Variants in MINDY2 observed in about 807,000 individuals in gnomAD.
MINDY2 encodes ubiquitin carboxyl-terminal hydrolase MINDY-2.
Under a neutral mutation model 68.2 loss-of-function variants are expected in MINDY2, and 52 were observed. The ratio of observed to expected loss-of-function variants is 0.76; its 90% confidence interval spans 0.61 to 0.96. MINDY2 has a LOEUF of 0.96. MINDY2 is among the 40% of genes least tolerant of loss of function. MINDY2 has a pLI of 0.00. For missense variants in MINDY2, 881 were observed against 773.4 expected (o/e 1.14, Z -1.65); for synonymous variants, 372 against 303.0 (o/e 1.23, Z -2.36).
chr15:58,848,490 T>C (rs1452494629), intron 7 of MINDY2, among the ~76,000 whole-genome samples: 1 of 152,170 alleles, frequency 6.6e-6, no homozygotes, highest in Non-Finnish European at 1.5e-5. Context: ...ACACCTGTAA[T>C]CCCAGCACTT....
At chr15:58,839,150 C>T (rs2032151069) in intron 6 of MINDY2, among the ~76,000 whole-genome samples, 3 of 151,586 alleles carry the variant, frequency 2.0e-5, no homozygotes, top group South Asian at 2.1e-4. Flanking sequence ...CTTTTGTCAT[C>T]CAGAGTCTTT....
intron 6 of MINDY2, among the ~76,000 whole-genome samples, chr15:58,834,770 T>C (rs968021647): frequency 6.6e-6 from 1 of 152,228 alleles, no homozygotes; most frequent in East Asian, 1.9e-4. Context: ...TTCAACACTT[T>C]AGTCAATGAA....
At chr15:58,817,117 A>G (rs1428266686) in intron 4 of MINDY2, among the ~76,000 whole-genome samples, 1 of 152,266 alleles carries the variant, frequency 6.6e-6, no homozygotes. Context: ...AGTAAACATG[A>G]CTACCTTAAA....
intron 7 of MINDY2, among the ~76,000 whole-genome samples, chr15:58,850,748 C>T (rs1197824413): frequency 6.6e-6 from 1 of 151,964 alleles, no homozygotes; most frequent in Non-Finnish European, 1.5e-5. Flanking sequence ...CCATGCCCAG[C>T]TAATTTTTTT....
intron 3 of MINDY2, among the ~76,000 whole-genome samples, chr15:58,804,587 T>A (rs143159323): frequency 5.3e-5 from 8 of 152,118 alleles, no homozygotes; most frequent in African/African-American, 1.9e-4. Flanking sequence ...GCAGGCGGAT[T>A]GCTTGAGCCC....
intron 1 of MINDY2, among the ~76,000 whole-genome samples, chr15:58,786,910 A>G (rs574352807): frequency 6.6e-6 from 1 of 152,126 alleles, no homozygotes; most frequent in South Asian, 2.1e-4. Context: ...GCTCACTGCA[A>G]CCTCTGCCTC....
chr15:58,797,092 G>A (rs920638388), intron 2 of MINDY2, among the ~76,000 whole-genome samples: 1 of 152,096 alleles, frequency 6.6e-6, no homozygotes, highest in Admixed American at 6.6e-5. Context: ...TGTGAATTGA[G>A]ATGTTCTGTA....
At chr15:58,822,230 G>C (rs1228047452) in intron 5 of MINDY2, among the ~76,000 whole-genome samples, 1 of 151,612 alleles carries the variant, frequency 6.6e-6, no homozygotes, top group Admixed American at 6.6e-5. Context: ...CTCCACCCTG[G>C]GCAACAGAGT....
At position 58,829,053 on chromosome 15, in the gene MINDY2, C is replaced by T. The variant is rs183685063; in HGVS notation, c.1226-2721C>T. 1.1e-4 allele frequency among the ~76,000 whole-genome samples: 16 copies of T among 151,998 alleles called. No homozygotes were observed. The East Asian group carries it at 2.9e-3, about 27-fold the overall frequency. ...ACTGGATTATTTGAATCAATAACAC[C>T]TCTTTGAGCGTTATAATGATTCTCT... On this transcript the variant is annotated intron_variant, in intron 5 of 8. Coordinates refer to ENST00000559228, the MANE Select transcript of MINDY2 (RefSeq NM_001040450.3).
intron 2 of MINDY2, among the ~76,000 whole-genome samples, chr15:58,799,293 C>T (rs543724172): frequency 2.6e-5 from 4 of 152,116 alleles, no homozygotes; most frequent in African/African-American, 9.7e-5. Context: ...CACGGCTGGG[C>T]GCGGTGGCTC....
At position 58,858,680 on chromosome 15, in the gene MINDY2, T is replaced by C. The variant is rs528876269; in HGVS notation, c.*4070T>C. 9 of 152,236 alleles carry C rather than the reference T, an allele frequency of 5.9e-5. No homozygotes were observed. In the East Asian group the frequency reaches 1.7e-3, roughly 29 times the overall value. The allele number at this position is 152,236 out of a possible 1,614,324, so 9.4% of individuals were successfully genotyped here. ...GATTACATTTGATTAACTTTTCCTA[T>C]TCCATGCACAAGTTACCTTAAAACA... is the stretch of plus-strand genomic sequence containing the variant. On this transcript the variant is annotated 3_prime_UTR_variant, in exon 9 of 9. Transcript: ENST00000559228.
intron 1 of MINDY2, among the ~76,000 whole-genome samples, chr15:58,784,549 T>C (rs879413587): frequency 2.2e-4 from 34 of 152,108 alleles, no homozygotes; most frequent in Non-Finnish European, 5.0e-4. Flanking sequence ...ATTTATTTTA[T>C]GTTGTAGATA....
At chr15:58,775,906 A>C (rs1900744530) in intron 1 of MINDY2, among the ~76,000 whole-genome samples, 1 of 141,710 alleles carries the variant, frequency 7.1e-6, no homozygotes, top group Non-Finnish European at 1.5e-5. Context: ...TGTCTTGCCC[A>C]GGCTAGAGTG....
At chr15:58,794,302 T>C (rs1435712059) in intron 2 of MINDY2, among the ~76,000 whole-genome samples, 1 of 151,980 alleles carries the variant, frequency 6.6e-6, no homozygotes, top group Non-Finnish European at 1.5e-5. Flanking sequence ...ATAATGAAAC[T>C]GTATTACCAT....
chr15:58,798,228 T>C (rs1902409161), intron 2 of MINDY2, among the ~76,000 whole-genome samples: 1 of 152,042 alleles, frequency 6.6e-6, no homozygotes, highest in East Asian at 1.9e-4. Context: ...GCAATTCTCC[T>C]GCCTCAGCTA....
intron 5 of MINDY2, among the ~76,000 whole-genome samples, chr15:58,825,521 T>A (rs2031339075): frequency 6.6e-6 from 1 of 152,174 alleles, no homozygotes; most frequent in African/African-American, 2.4e-5. Flanking sequence ...CAGCCAGACT[T>A]CACCATAGCT....
intron 3 of MINDY2, among the ~76,000 whole-genome samples, chr15:58,806,627 A>G (rs1460823967): frequency 6.6e-6 from 1 of 152,172 alleles, no homozygotes; most frequent in Non-Finnish European, 1.5e-5. Flanking sequence ...ATATGAAGGT[A>G]TAAGCATGAG....
At chr15:58,827,269 A>G (rs963367882) in intron 5 of MINDY2, among the ~76,000 whole-genome samples, 1 of 152,178 alleles carries the variant, frequency 6.6e-6, no homozygotes, top group Admixed American at 6.6e-5. Flanking sequence ...TGAATATGCT[A>G]TTCGTTAATA....
chr15:58,771,500 C>G lies in MINDY2; in HGVS notation c.105C>G (p.Leu35=). The G allele has an allele frequency of 6.2e-7, 1 of 1,612,424 alleles. No homozygotes were observed. Among genetic ancestry groups the G allele is most frequent in the Non-Finnish European group, 8.5e-7 (1 of 1,179,790 alleles). Residue 35 remains leucine (L), a synonymous_variant, in exon 1 of 9, where the codon CTC becomes CTG. Transcript: ENST00000559228. ...SSQEGLQETR[L]AAGDGPGVWA... ...AGGAAGGGCTACAGGAGACCAGGCT[C>G]GCCGCTGGTGATGGTCCTGGGGTAT...
Sources: gnomAD v4.1 joint callset for allele counts (sites outside exome capture counted in the v4.1 genomes callset) on GRCh38, gnomAD v4.1.1 for gene constraint, MANE v1.5 for transcripts, NCBI Gene and HGNC (gene_info 2026-07-23, HGNC 2026-07-21) for gene names.